Variants in ITGB5 observed in about 807,000 individuals in gnomAD.
ITGB5 encodes the protein integrin subunit beta 5.
A neutral mutation model predicts 84.8 loss-of-function variants in ITGB5; 38 were observed. The ratio of observed to expected loss-of-function variants is 0.45; its 90% CI spans 0.35 to 0.59. The LOEUF (loss-of-function observed/expected upper bound fraction) is 0.59, where lower values mean the gene tolerates loss of function less well. Ranked by LOEUF, ITGB5 falls within the 20% of genes least tolerant of loss-of-function variation. The pLI is 0.01. For synonymous variants in ITGB5, 393 were observed against 414.4 expected (o/e 0.95, Z 0.63); for missense variants, 905 against 1,034.5 (o/e 0.87, Z 1.72).
chr3:124,886,495 G>C (rs942976959), intron 1 of ITGB5, among the ~76,000 whole-genome samples: 12 of 152,092 alleles, frequency 7.9e-5, no homozygotes, highest in Non-Finnish European at 5.9e-5. Flanking sequence ...CTGGGGTTTC[G>C]AGACTCCCTT....
chr3:124,860,883 C>T (rs1579307720), intron 2 of ITGB5, among the ~76,000 whole-genome samples: 2 of 152,190 alleles, frequency 1.3e-5, no homozygotes, highest in African/African-American at 4.8e-5. Context: ...ACCCAATGCC[C>T]TTTAGAATCC....
chr3:124,873,386 T>C, intron 2 of ITGB5, 60 bp downstream of exon 2: 1 of 1,190,266 alleles, frequency 8.4e-7, no homozygotes, highest in Non-Finnish European at 1.3e-6. Flanking sequence ...GTTGGCCTCC[T>C]TCTCACCCTC....
intron 7 of ITGB5, among the ~76,000 whole-genome samples, chr3:124,818,955 C>T (rs534973604): frequency 1.3e-5 from 2 of 152,246 alleles, no homozygotes; most frequent in East Asian, 3.9e-4. Context: ...GTTCTCATTG[C>T]TTCATCACGT....
At chr3:124,819,203 T>C (rs2064659011) in intron 7 of ITGB5, among the ~76,000 whole-genome samples, 1 of 152,034 alleles carries the variant, frequency 6.6e-6, no homozygotes, top group South Asian at 2.1e-4. Context: ...CCAGACTAAA[T>C]GCGGCAGTCC....
At chr3:124,862,294 G>A (rs2107622237) in intron 2 of ITGB5, 1 of 152,496 alleles carries the variant, frequency 6.6e-6, no homozygotes, top group Non-Finnish European at 1.5e-5. Flanking sequence ...GAGAACCCCT[G>A]ACACCTCTCT....
chr3:124,817,977 T>C (rs1397415153), intron 7 of ITGB5, among the ~76,000 whole-genome samples: 1 of 152,130 alleles, frequency 6.6e-6, no homozygotes, highest in East Asian at 1.9e-4. Context: ...GATAATGTCT[T>C]GAGACCCCGC....
rs1402343768 is a variant in ITGB5 at position 124,839,347 on chromosome 3, T to C, written c.780+2036A>G. On this transcript the variant is annotated intron_variant, in intron 5 of 14. Coordinates refer to ENST00000296181, the MANE Select transcript of ITGB5 (RefSeq NM_002213.5). Reference sequence around the variant, plus strand: ...GCTTGAGTCTTGAAATACTGTGTTTTCAAAGGGTTGAAGATTTCATCCATC... The same window carrying C: ...GCTTGAGTCTTGAAATACTGTGTTTCCAAAGGGTTGAAGATTTCATCCATC... 9.9e-5 allele frequency among the ~76,000 whole-genome samples: 15 copies of C among 152,224 alleles called. 1 individual carries two copies. The highest frequency in any genetic ancestry group is 9.8e-4 in the Admixed American group (15 of 15,280).
At chr3:124,881,236 G>A (rs1430742841) in intron 1 of ITGB5, among the ~76,000 whole-genome samples, 2 of 152,032 alleles carry the variant, frequency 1.3e-5, no homozygotes, top group Non-Finnish European at 2.9e-5. Flanking sequence ...TGCCTGCCTC[G>A]GCCTCCCAAA....
chr3:124,878,430 T>C (rs140568529), intron 1 of ITGB5, among the ~76,000 whole-genome samples: 146 of 152,350 alleles, frequency 9.6e-4, no homozygotes, highest in African/African-American at 3.3e-3. Context: ...ACTGTTTCTG[T>C]TATTATTAAA....
intron 9 of ITGB5, among the ~76,000 whole-genome samples, chr3:124,802,345 G>A (rs777736462): frequency 6.6e-6 from 1 of 152,224 alleles, no homozygotes; most frequent in Non-Finnish European, 1.5e-5. Context: ...GCTTGCCAAA[G>A]CCCAACTGTC....
At chr3:124,852,789 G>A (rs1291549814) in intron 3 of ITGB5, among the ~76,000 whole-genome samples, 1 of 152,078 alleles carries the variant, frequency 6.6e-6, no homozygotes, top group African/African-American at 2.4e-5. Context: ...CCAGGCTCAA[G>A]CAATCCTCCC....
Position 124,774,052 on chromosome 3 carries a change from T to C in ITGB5, c.1694-140A>G, listed in dbSNP as rs889617534. ...TGCCCTCAGAGCCTGTTTGGGGAGATAGACAGAGGGCCTAGAGCCAGCATG... is the reference window on the plus strand; with the variant it reads ...TGCCCTCAGAGCCTGTTTGGGGAGACAGACAGAGGGCCTAGAGCCAGCATG... On this transcript the variant is annotated intron_variant, in intron 10 of 14. Transcript: ENST00000296181. The C allele has an allele frequency of 4.1e-5, 31 of 765,212 alleles. No individual in the cohort carries two copies. The African/African-American group carries it at 5.0e-4, about 12-fold the overall frequency. The allele number at this position is 765,212 out of a possible 1,614,324, so 47.4% of individuals were successfully genotyped here.
chr3:124,873,339 C>T, intron 2 of ITGB5, 107 bp downstream of exon 2: 2 of 820,794 alleles, frequency 2.4e-6, no homozygotes, highest in East Asian at 2.4e-5. Flanking sequence ...AGAATCTGCA[C>T]AGGATTTTTA....
chr3:124,853,731 T>C (rs947489347), intron 3 of ITGB5, among the ~76,000 whole-genome samples: 4 of 152,192 alleles, frequency 2.6e-5, no homozygotes, highest in South Asian at 4.1e-4. Flanking sequence ...GTTTAGTTAA[T>C]AGTATTGTAA....
chr3:124,846,862 G>A (rs577478229), intron 4 of ITGB5, among the ~76,000 whole-genome samples: 1 of 152,294 alleles, frequency 6.6e-6, no homozygotes, highest in South Asian at 2.1e-4. Flanking sequence ...TTGAACCCGG[G>A]AGGCGGAGGT....
chr3:124,867,732 C>T (rs2065414055), intron 2 of ITGB5, among the ~76,000 whole-genome samples: 1 of 152,220 alleles, frequency 6.6e-6, no homozygotes, highest in Admixed American at 6.5e-5. Flanking sequence ...AAAGCATCCG[C>T]ACACTCTCCT....
chr3:124,766,162 A>G (rs2063764480), intron 13 of ITGB5, 64 bp downstream of exon 13: 1 of 1,556,784 alleles, frequency 6.4e-7, no homozygotes, highest in African/African-American at 1.4e-5. Context: ...AGAGCAGAGA[A>G]TGGCATCAGA....
intron 10 of ITGB5, chr3:124,791,695 G>A (rs1199007262): frequency 1.3e-5 from 2 of 152,272 alleles, no homozygotes; most frequent in Admixed American, 6.5e-5. Context: ...GTAAAGCTGT[G>A]AGAGAATGCT....
intron 9 of ITGB5, 101 bp from the exon 10 acceptor site, chr3:124,796,918 G>T: frequency 8.5e-7 from 1 of 1,177,774 alleles, no homozygotes; most frequent in Non-Finnish European, 1.2e-6. Context: ...GCGAACTCCA[G>T]CCCTCTCCAC....
Sources: allele counts gnomAD v4.1 joint callset (sites outside exome capture counted in the v4.1 genomes callset), GRCh38; gene constraint gnomAD v4.1.1; transcripts MANE v1.5; gene names NCBI Gene and HGNC (gene_info 2026-07-23, HGNC 2026-07-21).